Variants in PCLO observed in about 807,000 individuals in gnomAD.
PCLO encodes the protein protein piccolo.
PCLO carries 82 observed loss-of-function variants against 427.5 expected under a neutral mutation model. That is an observed-to-expected ratio of 0.19 (90% CI 0.16 to 0.23). The LOEUF (loss-of-function observed/expected upper bound fraction) is 0.23. Among genes scored for constraint, PCLO ranks in the 10% least tolerant of loss-of-function variants. The probability of loss-of-function intolerance (pLI) is 1.00; values close to 1 mark genes in which losing one functional copy is unlikely to be tolerated. For synonymous variants in PCLO, 2,357 were observed against 2,155.4 expected (o/e 1.09, Z -2.59); for missense variants, 6,239 against 6,115.9 (o/e 1.02, Z -0.67).
chr7:82,840,269 TG>T (rs1187753193), intron 14 of PCLO, among the ~76,000 whole-genome samples: 1 of 152,084 alleles, frequency 6.6e-6, no homozygotes, highest in East Asian at 1.9e-4. Context: ...AGGGTAGTAC[TG>T]TTAGTTTGTT....
intron 22 of PCLO, among the ~76,000 whole-genome samples, chr7:82,787,954 A>T (rs1164213798): frequency 6.6e-6 from 1 of 152,038 alleles, no homozygotes; most frequent in Non-Finnish European, 1.5e-5. Flanking sequence ...GTTGAGAAAT[A>T]GTTCCTGTTC....
chr7:83,134,696 G>A lies in PCLO; in HGVS notation c.2854C>T (p.Pro952Ser). Reference protein sequence around the residue: ...ASNLISTAGQPGPHSQSGPGA... With the variant: ...ASNLISTAGQSGPHSQSGPGA... ...GGTCCACTTTGTGAATGAGGTCCAG[G>A]TTGGCCTGCAGTGGAAATTAAATTT... Residue 952 changes from proline to serine, a missense_variant, in exon 3 of 25, where the codon CCT (proline) becomes TCT (serine). Around this residue, in one of 5 missense-constraint regions of PCLO, gnomAD observed 4,677 missense variants for 4,468.4 expected, o/e 1.05. Transcript: ENST00000333891. The A allele has an allele frequency of 6.2e-7, 1 of 1,613,784 alleles. No individual in the cohort carries two copies. The highest frequency in any genetic ancestry group is 1.3e-5 in the African/African-American group (1 of 75,006).
At chr7:83,082,641 A>G (rs1790131064) in intron 3 of PCLO, among the ~76,000 whole-genome samples, 1 of 151,784 alleles carries the variant, frequency 6.6e-6, no homozygotes, top group South Asian at 2.1e-4. Flanking sequence ...AAAAGAGTAG[A>G]ATTGGAATGC....
At position 83,096,684 on chromosome 7, in the gene PCLO, ACAAAT is replaced by A. The variant is rs1399406575; in HGVS notation, c.3300+37561_3300+37565del. ...GTCTTATTTTGTCAATATTTTTTAA[ACAAAT>A]AAAGTAAACCAGCAAGGTAAATAAA... On this transcript the variant is annotated intron_variant, in intron 3 of 24. Transcript: ENST00000333891. Among the ~76,000 whole-genome samples the A allele has an allele frequency of 6.5e-4, 67 of 103,452 alleles. 2 individuals are homozygous for A. Among genetic ancestry groups the A allele is most frequent in the Admixed American group, 2.3e-3 (17 of 7,420 alleles). The allele number at this position is 103,452 out of a possible 152,430, so 67.9% of individuals were successfully genotyped here.
At chr7:82,777,742 T>A (rs1334699490) in intron 22 of PCLO, among the ~76,000 whole-genome samples, 1 of 152,100 alleles carries the variant, frequency 6.6e-6, no homozygotes. Flanking sequence ...CCTTACACCA[T>A]ATGCAGAAAT....
chr7:82,803,381 C>T (rs1351482512), intron 21 of PCLO, among the ~76,000 whole-genome samples: 1 of 151,960 alleles, frequency 6.6e-6, no homozygotes, highest in Non-Finnish European at 1.5e-5. Context: ...TACTGTAAGT[C>T]TTAGTAATTG....
In PCLO at chr7:82,950,103, C is replaced by T. The variant is rs1211934291; in HGVS notation, c.10485G>A (p.Gly3495=). 1 of 1,610,880 alleles carries T rather than the reference C, an allele frequency of 6.2e-7. No homozygotes were observed. Among genetic ancestry groups the T allele is most frequent in the East Asian group, 2.2e-5 (1 of 44,736 alleles). Residue 3495 remains glycine, a synonymous_variant, in exon 6 of 25, where the codon GGG becomes GGA. Coordinates refer to ENST00000333891, the MANE Select transcript of PCLO (RefSeq NM_033026.6). ...PTRSRRKARV[G]KYGDSMTEAD... is the part of the protein sequence containing the mutation. ...CCTCTGTCATGCTGTCACCATATTTCCCTACACGAGCTTTCCTCCTTGATC... is the reference window on the plus strand; with the variant it reads ...CCTCTGTCATGCTGTCACCATATTTTCCTACACGAGCTTTCCTCCTTGATC...
intron 9 of PCLO, among the ~76,000 whole-genome samples, chr7:82,882,678 A>C (rs1398198475): frequency 6.6e-6 from 1 of 152,132 alleles, no homozygotes; most frequent in African/African-American, 2.4e-5. Flanking sequence ...TTCAATGATA[A>C]AAGTGGCAAA....
intron 3 of PCLO, among the ~76,000 whole-genome samples, chr7:83,023,052 T>C (rs75128731): frequency 0.12 from 18,117 of 152,170 alleles, 1,355 homozygotes; most frequent in Middle Eastern, 0.23. Flanking sequence ...AATCTGTACA[T>C]GTATAATCAA....
At chr7:83,081,814 C>A (rs534178831) in intron 3 of PCLO, among the ~76,000 whole-genome samples, 1 of 151,564 alleles carries the variant, frequency 6.6e-6, no homozygotes, top group African/African-American at 2.4e-5. Context: ...TGCATAATTG[C>A]TTCTATCAAC....
chr7:83,019,051 C>T (rs1406293437), intron 3 of PCLO, among the ~76,000 whole-genome samples: 2 of 151,932 alleles, frequency 1.3e-5, no homozygotes, highest in Non-Finnish European at 2.9e-5. Context: ...TCACATCCTA[C>T]AAAGAAAGTA....
At chr7:82,936,201 T>C (rs552499012) in intron 6 of PCLO, among the ~76,000 whole-genome samples, 67 of 151,750 alleles carry the variant, frequency 4.4e-4, no homozygotes, top group African/African-American at 1.5e-3. Context: ...TTTTAAAAGG[T>C]TGAAATCATA....
intron 4 of PCLO, among the ~76,000 whole-genome samples, chr7:82,958,771 G>C (rs1235863485): frequency 2.0e-5 from 3 of 152,162 alleles, no homozygotes. Context: ...ATACTGAAGT[G>C]GCAAGCAATG....
At chr7:83,120,598 A>T (rs1288335888) in intron 3 of PCLO, among the ~76,000 whole-genome samples, 1 of 152,060 alleles carries the variant, frequency 6.6e-6, no homozygotes, top group Non-Finnish European at 1.5e-5. Flanking sequence ...ACAGCAAGAA[A>T]AAAGAAGAAA....
intron 10 of PCLO, among the ~76,000 whole-genome samples, chr7:82,876,164 T>C (rs1351647411): frequency 6.6e-6 from 1 of 152,138 alleles, no homozygotes; most frequent in Admixed American, 6.5e-5. Flanking sequence ...TATTTACATA[T>C]GTATAATTTT....
chr7:82,821,240 A>G lies in PCLO; in HGVS notation c.14791+1255T>C, dbSNP rs941255903. 5.1e-6 allele frequency: 5 copies of G among 987,510 alleles called. No individual in the cohort carries two copies. In the African/African-American group the frequency reaches 8.7e-5, roughly 17 times the overall value. The allele number at this position is 987,510 out of a possible 1,614,324, so 61.2% of individuals were successfully genotyped here. A position where few individuals can be genotyped will look rare whatever the true frequency, so the allele number is the denominator to read the frequency against. On this transcript the variant is annotated intron_variant, in intron 20 of 24. Coordinates refer to ENST00000333891, the MANE Select transcript of PCLO (RefSeq NM_033026.6). ...TCTTTGAATGGGGAGGACTCCTGCTATGCTGTGTCTGTGCTGCTTCCTGGC... is the reference window on the plus strand; with the variant it reads ...TCTTTGAATGGGGAGGACTCCTGCTGTGCTGTGTCTGTGCTGCTTCCTGGC...
chr7:83,040,112 G>A (rs183998276), intron 3 of PCLO, among the ~76,000 whole-genome samples: 245 of 152,074 alleles, frequency 1.6e-3, no homozygotes, highest in Non-Finnish European at 2.8e-3. Flanking sequence ...TGAGAATATA[G>A]GTCATGTTTT....
chr7:82,940,075 T>C (rs1795043947), intron 6 of PCLO, among the ~76,000 whole-genome samples: 1 of 152,188 alleles, frequency 6.6e-6, no homozygotes. Context: ...AATTCTCAGT[T>C]CTACACATCC....
rs760923494 is a variant in PCLO, at chr7:83,155,952, A to G, written c.689T>C (p.Leu230Pro). The G allele has an allele frequency of 9.3e-6, 15 of 1,613,574 alleles. No individual in the cohort carries two copies. Among genetic ancestry groups the G allele is most frequent in the Non-Finnish European group, 1.3e-5 (15 of 1,179,836 alleles). ...TGATTTGGGAGTGCCATCCTGCTGA[A>G]GCGGATCCCTACCAGGTCCTTGCTG... ...PKQQGPGRDP[L>P]QQDGTPKSIS... The change falls in exon 2 of 25, where the codon CTT (leucine) becomes CCT (proline). Residue 230 changes from leucine to proline, a missense_variant. Physicochemically the swap from Leu to Pro is moderately conservative, Grantham distance 98. This residue lies in a region of PCLO where 4,677 missense variants were observed against 4,468.4 expected (regional missense o/e 1.05). Coordinates refer to ENST00000333891, the MANE Select transcript of PCLO (RefSeq NM_033026.6).
Sources: allele counts gnomAD v4.1 joint callset (sites outside exome capture counted in the v4.1 genomes callset), GRCh38; gene constraint gnomAD v4.1.1; regional missense constraint gnomAD v4.1.1; transcripts MANE v1.5; gene names NCBI Gene and HGNC (gene_info 2026-07-23, HGNC 2026-07-21).